The following TSHZ2 variants were observed in gnomAD, a reference collection of about 807,000 sequenced individuals.
TSHZ2 encodes the protein teashirt homolog 2.
TSHZ2 carries 21 observed loss-of-function variants against 74.4 expected under a neutral mutation model. That is an observed-to-expected ratio of 0.28 (90% CI 0.20 to 0.41). The LOEUF (loss-of-function observed/expected upper bound fraction) is 0.41, where lower values mean the gene tolerates loss of function less well. TSHZ2 is among the 10% of genes least tolerant of loss of function. The probability of loss-of-function intolerance (pLI) is 1.00; values close to 1 mark genes in which losing one functional copy is unlikely to be tolerated. For missense variants in TSHZ2, 1,244 were observed against 1,293.5 expected (o/e 0.96, Z 0.59); for synonymous variants, 540 against 515.3 (o/e 1.05, Z -0.65).
intron 2 of TSHZ2, among the ~76,000 whole-genome samples, chr20:53,458,153 C>T (rs1466630268): frequency 2.0e-5 from 3 of 150,540 alleles, no homozygotes; most frequent in Admixed American, 6.6e-5. Flanking sequence ...CCTCCTTGTA[C>T]CTCTGGTAGA....
intron 1 of TSHZ2, among the ~76,000 whole-genome samples, chr20:53,052,797 A>T (rs866089480): frequency 4.6e-5 from 7 of 152,096 alleles, no homozygotes; most frequent in Non-Finnish European, 7.4e-5. Flanking sequence ...TCTCTTAGAG[A>T]CCTTGCTTTG....
At chr20:53,132,491 G>T (rs1311544192) in intron 1 of TSHZ2, among the ~76,000 whole-genome samples, 1 of 151,962 alleles carries the variant, frequency 6.6e-6, no homozygotes, top group East Asian at 1.9e-4. Flanking sequence ...TGTTGGCCAG[G>T]CTGGTCTCAA....
intron 1 of TSHZ2, among the ~76,000 whole-genome samples, chr20:53,207,643 C>T (rs73148636): frequency 6.6e-6 from 1 of 151,972 alleles, no homozygotes; most frequent in African/African-American, 2.4e-5. Flanking sequence ...TTCCAGATCA[C>T]AGATTTGGGG....
At chr20:53,371,428 A>G (rs554030776) in intron 2 of TSHZ2, among the ~76,000 whole-genome samples, 2 of 152,364 alleles carry the variant, frequency 1.3e-5, no homozygotes, top group South Asian at 4.1e-4. Flanking sequence ...TGCAAGACCC[A>G]GGTCAAGTCA....
chr20:53,363,018 A>T (rs1246590875), intron 2 of TSHZ2, among the ~76,000 whole-genome samples: 1 of 152,170 alleles, frequency 6.6e-6, no homozygotes, highest in Non-Finnish European at 1.5e-5. Context: ...GCATCATAGG[A>T]TTTAACGAAT....
intron 2 of TSHZ2, among the ~76,000 whole-genome samples, chr20:53,312,219 C>T (rs977151478): frequency 9.2e-5 from 14 of 152,168 alleles, no homozygotes; most frequent in African/African-American, 3.1e-4. Flanking sequence ...AAGGACAGGG[C>T]AGTAGAGCAT....
chr20:53,373,250 T>C (rs918898499), intron 2 of TSHZ2, among the ~76,000 whole-genome samples: 4 of 152,240 alleles, frequency 2.6e-5, no homozygotes, highest in African/African-American at 9.6e-5. Flanking sequence ...TGGTATTTAT[T>C]CTTATAGCAC....
At chr20:53,354,820 G>T (rs949913717) in intron 2 of TSHZ2, among the ~76,000 whole-genome samples, 2 of 152,160 alleles carry the variant, frequency 1.3e-5, no homozygotes, top group East Asian at 3.8e-4. Flanking sequence ...TTAATTGTAA[G>T]TTATTTCCCC....
chr20:53,336,454 A>C (rs534849493), intron 2 of TSHZ2, among the ~76,000 whole-genome samples: 8 of 152,368 alleles, frequency 5.3e-5, no homozygotes, highest in African/African-American at 1.9e-4. Context: ...CCTTTCCATG[A>C]ATAAAACAAA....
chr20:53,091,067 C>G (rs2123261057), intron 1 of TSHZ2, among the ~76,000 whole-genome samples: 1 of 152,238 alleles, frequency 6.6e-6, no homozygotes, highest in Admixed American at 6.5e-5. Flanking sequence ...TTAAGTGGTA[C>G]ACAGATAAAC....
At chr20:53,315,037 G>T (rs930931565) in intron 2 of TSHZ2, among the ~76,000 whole-genome samples, 2 of 152,174 alleles carry the variant, frequency 1.3e-5, no homozygotes, top group Non-Finnish European at 2.9e-5. Flanking sequence ...ATGTTTTATT[G>T]GTCAAGTCAC....
chr20:52,998,588 C>A (rs1175343047), intron 1 of TSHZ2, among the ~76,000 whole-genome samples: 1 of 152,196 alleles, frequency 6.6e-6, no homozygotes, highest in Non-Finnish European at 1.5e-5. Context: ...CCACCCTCGC[C>A]AGTACAGGCC....
chr20:52,992,127 T>C (rs1982018697), intron 1 of TSHZ2, among the ~76,000 whole-genome samples: 1 of 152,204 alleles, frequency 6.6e-6, no homozygotes, highest in South Asian at 2.1e-4. Context: ...CCTATTGTAA[T>C]GTCTATTTCC....
chr20:53,247,905 T>A (rs529030064), intron 1 of TSHZ2, among the ~76,000 whole-genome samples: 1 of 152,206 alleles, frequency 6.6e-6, no homozygotes, highest in Non-Finnish European at 1.5e-5. Flanking sequence ...CTGTAAACAC[T>A]ATTGTGGACT....
intron 1 of TSHZ2, among the ~76,000 whole-genome samples, chr20:52,988,757 T>G (rs1981865536): frequency 6.6e-6 from 1 of 152,012 alleles, no homozygotes. Context: ...TAGAAAAAAA[T>G]CATGAAAACC....
chr20:53,258,523 T>C (rs1990532262), intron 2 of TSHZ2, among the ~76,000 whole-genome samples: 1 of 152,182 alleles, frequency 6.6e-6, no homozygotes, highest in Non-Finnish European at 1.5e-5. Flanking sequence ...TAATCTTTTT[T>C]AGAAAATTAA....
At chr20:53,333,904 A>G (rs919030359) in intron 2 of TSHZ2, among the ~76,000 whole-genome samples, 1 of 152,222 alleles carries the variant, frequency 6.6e-6, no homozygotes, top group Non-Finnish European at 1.5e-5. Flanking sequence ...CAAGGGCCAG[A>G]TCACTGGGAG....
intron 1 of TSHZ2, among the ~76,000 whole-genome samples, chr20:53,154,124 G>A (rs1021601502): frequency 2.6e-5 from 4 of 152,218 alleles, no homozygotes; most frequent in African/African-American, 9.6e-5. Flanking sequence ...ATGGCAAAAT[G>A]TGTGCATACA....
chr20:53,262,695 G>A (rs1381291642), intron 2 of TSHZ2, among the ~76,000 whole-genome samples: 4 of 152,214 alleles, frequency 2.6e-5, no homozygotes, highest in Non-Finnish European at 2.9e-5. Flanking sequence ...TAAATGATAT[G>A]TAGGCCAGGG....
Sources: allele counts gnomAD v4.1 joint callset (sites outside exome capture counted in the v4.1 genomes callset), GRCh38; gene constraint gnomAD v4.1.1; transcripts MANE v1.5; gene names NCBI Gene and HGNC (gene_info 2026-07-23, HGNC 2026-07-21).